Variants in SEMA6D observed in about 807,000 individuals in gnomAD.
SEMA6D encodes the protein semaphorin 6D.
Under a neutral mutation model 106.6 loss-of-function variants are expected in SEMA6D, and 35 were observed. The ratio of observed to expected loss-of-function variants is 0.33; its 90% CI spans 0.25 to 0.44. SEMA6D has a LOEUF of 0.44. SEMA6D is among the 20% of genes least tolerant of loss of function. SEMA6D has a pLI of 1.00. For missense variants in SEMA6D, 1,185 were observed against 1,345.9 expected (o/e 0.88, Z 1.87); for synonymous variants, 499 against 487.7 (o/e 1.02, Z -0.31).
intron 1 of SEMA6D, among the ~76,000 whole-genome samples, chr15:47,738,706 G>T (rs1035804800): frequency 6.6e-6 from 1 of 152,180 alleles, no homozygotes; most frequent in Non-Finnish European, 1.5e-5. Flanking sequence ...CCAGGGAAGG[G>T]TTCATTTATC....
At chr15:47,371,011 A>G (rs1038437155) in intron 1 of SEMA6D, among the ~76,000 whole-genome samples, 3 of 152,240 alleles carry the variant, frequency 2.0e-5, no homozygotes, top group Non-Finnish European at 2.9e-5. Context: ...CCCGCCAGTC[A>G]GTTCCTAGAT....
intron 1 of SEMA6D, among the ~76,000 whole-genome samples, chr15:47,295,619 A>T (rs1182705438): frequency 6.6e-6 from 1 of 152,202 alleles, no homozygotes; most frequent in Non-Finnish European, 1.5e-5. Context: ...TCTTTAAAGC[A>T]ATGATTTGGG....
At chr15:47,465,188 A>G (rs2042623097) in intron 2 of SEMA6D, among the ~76,000 whole-genome samples, 1 of 152,210 alleles carries the variant, frequency 6.6e-6, no homozygotes, top group Admixed American at 6.5e-5. Context: ...GGTAGTCAGT[A>G]GATGCATTTT....
chr15:47,429,718 C>T (rs1412312143), intron 2 of SEMA6D, among the ~76,000 whole-genome samples: 2 of 152,040 alleles, frequency 1.3e-5, no homozygotes, highest in African/African-American at 2.4e-5. Flanking sequence ...TCAAAGTCCA[C>T]TGATGATTAA....
intron 2 of SEMA6D, among the ~76,000 whole-genome samples, chr15:47,441,297 T>A (rs2041874100): frequency 6.6e-6 from 1 of 151,936 alleles, no homozygotes. Context: ...ATCTGGAAGG[T>A]GAAAGACAAG....
At position 47,773,219 on chromosome 15, in the gene SEMA6D, G is replaced by A. The variant is rs376877473; in HGVS notation, c.*1434G>A. On this transcript the variant is annotated 3_prime_UTR_variant, in exon 19 of 19. Transcript: ENST00000536845. ...TTCAAAAAATCACAGAAACAACCTAGGACAATTATTTGTTACATAATCCGA... is the reference window on the plus strand; with the variant it reads ...TTCAAAAAATCACAGAAACAACCTAAGACAATTATTTGTTACATAATCCGA... The A allele has an allele frequency of 8.5e-5, 13 of 152,648 alleles. No homozygotes were observed. In the East Asian group the frequency reaches 2.5e-3, roughly 29 times the overall value. The allele number at this position is 152,648 out of a possible 1,614,324, so 9.5% of individuals were successfully genotyped here.
chr15:47,686,024 T>A (rs1213778288), intron 4 of SEMA6D, among the ~76,000 whole-genome samples: 1 of 152,162 alleles, frequency 6.6e-6, no homozygotes, highest in Non-Finnish European at 1.5e-5. Flanking sequence ...AATTAAAACA[T>A]TGCAGACATT....
intron 2 of SEMA6D, among the ~76,000 whole-genome samples, chr15:47,424,048 A>T (rs1183893337): frequency 1.3e-5 from 2 of 152,106 alleles, no homozygotes; most frequent in African/African-American, 4.8e-5. Flanking sequence ...TTGCAACTTT[A>T]TTAAATTTTA....
chr15:47,465,544 C>T (rs937465666), intron 2 of SEMA6D, among the ~76,000 whole-genome samples: 8 of 152,236 alleles, frequency 5.3e-5, no homozygotes, highest in South Asian at 2.1e-4. Context: ...TGTAATCCCC[C>T]GTGTTGGAGG....
chr15:47,400,826 TTAAA>T (rs2040375460), intron 1 of SEMA6D, among the ~76,000 whole-genome samples: 1 of 152,236 alleles, frequency 6.6e-6, no homozygotes, highest in Admixed American at 6.5e-5. Context: ...AGACCTGTAC[TTAAA>T]TAAATGAGTC....
At chr15:47,291,398 A>C (rs1466977628) in intron 1 of SEMA6D, among the ~76,000 whole-genome samples, 1 of 152,136 alleles carries the variant, frequency 6.6e-6, no homozygotes, top group Non-Finnish European at 1.5e-5. Context: ...GAAAATGGGG[A>C]CCTGAGGATG....
In SEMA6D at chr15:47,764,801, T is replaced by G. The variant is rs769135802; in HGVS notation, c.1253+8T>G. 5 of 1,613,692 alleles carry G rather than the reference T, an allele frequency of 3.1e-6. No homozygotes were observed. Among genetic ancestry groups the G allele is most frequent in the Non-Finnish European group, 4.2e-6 (5 of 1,179,848 alleles). On this transcript the variant is annotated splice_region_variant and intron_variant, in intron 12 of 18. Coordinates refer to ENST00000536845, the MANE Select transcript of SEMA6D (RefSeq NM_001358351.3). ...CACAAAGACTCGGGTCAGGTGAGAT[T>G]GTGTGTGAAACACTCCTTCCTATTC...
At chr15:47,348,722 A>ACACACAC (rs1567016690) in intron 1 of SEMA6D, among the ~76,000 whole-genome samples, 17 of 37,040 alleles carry the variant, frequency 4.6e-4, no homozygotes, top group African/African-American at 1.3e-3. Context: ...CACACACCAC[A>ACACACAC]CACACAGAGA....
intron 3 of SEMA6D, among the ~76,000 whole-genome samples, chr15:47,534,074 G>A (rs2045070453): frequency 6.6e-6 from 1 of 152,180 alleles, no homozygotes; most frequent in African/African-American, 2.4e-5. Context: ...TTGTGGCACA[G>A]ATTGCCAGGG....
chr15:47,635,826 C>T (rs2077376797), intron 4 of SEMA6D, among the ~76,000 whole-genome samples: 1 of 152,032 alleles, frequency 6.6e-6, no homozygotes, highest in African/African-American at 2.4e-5. Context: ...GTCATGTCAC[C>T]AGGTGCACAT....
At chr15:47,210,873 A>G (rs1009109343) in intron 1 of SEMA6D, among the ~76,000 whole-genome samples, 1 of 151,912 alleles carries the variant, frequency 6.6e-6, no homozygotes, top group East Asian at 1.9e-4. Flanking sequence ...TCGTTTAAAC[A>G]TAACACATAC....
chr15:47,579,357 G>A (rs894945317), intron 3 of SEMA6D, among the ~76,000 whole-genome samples: 5 of 151,744 alleles, frequency 3.3e-5, no homozygotes, highest in African/African-American at 1.2e-4. Flanking sequence ...AGCCAGGCTG[G>A]TCTCGAACTC....
chr15:47,493,181 C>T (rs1194281499), intron 3 of SEMA6D, among the ~76,000 whole-genome samples: 4 of 152,154 alleles, frequency 2.6e-5, no homozygotes, highest in African/African-American at 9.6e-5. Context: ...GCTTGAGATA[C>T]TGTAACAGGA....
chr15:47,521,098 G>A (rs2044557561), intron 3 of SEMA6D, among the ~76,000 whole-genome samples: 1 of 152,142 alleles, frequency 6.6e-6, no homozygotes, highest in Admixed American at 6.5e-5. Flanking sequence ...TGACAAGATG[G>A]CAGTTGTGCC....
Sources: gnomAD v4.1 joint callset for allele counts (sites outside exome capture counted in the v4.1 genomes callset) on GRCh38, gnomAD v4.1.1 for gene constraint, MANE v1.5 for transcripts, NCBI Gene and HGNC (gene_info 2026-07-23, HGNC 2026-07-21) for gene names.